MGAT4C: variants seen among roughly 807,000 people sequenced by gnomAD.
The protein encoded by MGAT4C is alpha-1,3-mannosyl-glycoprotein 4-beta-N-acetylglucosaminyltransferase C.
A neutral mutation model predicts 40.1 loss-of-function variants in MGAT4C; 19 were observed. The ratio of observed to expected loss-of-function variants is 0.47; its 90% CI spans 0.33 to 0.70. MGAT4C has a LOEUF of 0.70. Among genes scored for constraint, MGAT4C ranks in the 30% least tolerant of loss-of-function variants. The probability of loss-of-function intolerance (pLI) is 0.02; values close to 1 mark genes in which losing one functional copy is unlikely to be tolerated. For synonymous variants in MGAT4C, 181 were observed against 187.1 expected, an observed-to-expected ratio of 0.97 and a Z score of 0.27; for missense variants, 491 against 563.2, an observed-to-expected ratio of 0.87 and a Z score of 1.30.
intron 2 of MGAT4C, among the ~76,000 whole-genome samples, chr12:86,683,283 T>A (rs914473943): frequency 6.6e-6 from 1 of 152,198 alleles, no homozygotes; most frequent in African/African-American, 2.4e-5. Flanking sequence ...CATCTATCTA[T>A]CTACCTACCT....
intron 1 of MGAT4C, among the ~76,000 whole-genome samples, chr12:86,732,802 A>C (rs1294335400): frequency 6.8e-6 from 1 of 147,012 alleles, no homozygotes; most frequent in Admixed American, 6.9e-5. Flanking sequence ...CATATTCAGC[A>C]TTTATGTTTT....
intron 2 of MGAT4C, among the ~76,000 whole-genome samples, chr12:86,663,423 A>G (rs192432000): frequency 9.6e-4 from 146 of 151,996 alleles, no homozygotes; most frequent in African/African-American, 3.3e-3. Context: ...GAAAGAAAAG[A>G]AAGAAAGAAA....
At chr12:86,213,837 T>C (rs1950572819) in intron 1 of MGAT4C, among the ~76,000 whole-genome samples, 1 of 152,176 alleles carries the variant, frequency 6.6e-6, no homozygotes, top group South Asian at 2.1e-4. Context: ...GAAAGAAAAT[T>C]TCTAGAGCAA....
At chr12:86,577,648 G>C (rs993847002) in intron 2 of MGAT4C, among the ~76,000 whole-genome samples, 1 of 151,748 alleles carries the variant, frequency 6.6e-6, no homozygotes, top group Non-Finnish European at 1.5e-5. Flanking sequence ...ACTTGGTCAT[G>C]ATTAATGATC....
At chr12:86,683,813 A>C (rs1192466106) in intron 2 of MGAT4C, among the ~76,000 whole-genome samples, 1 of 152,146 alleles carries the variant, frequency 6.6e-6, no homozygotes, top group African/African-American at 2.4e-5. Context: ...ACAAGAACTC[A>C]GCACCAGTAA....
At chr12:86,048,824 G>A (rs1258001261) in intron 2 of MGAT4C, among the ~76,000 whole-genome samples, 1 of 151,926 alleles carries the variant, frequency 6.6e-6, no homozygotes, top group African/African-American at 2.4e-5. Context: ...ACCCAGACAG[G>A]TGTAACAACT....
intron 2 of MGAT4C, among the ~76,000 whole-genome samples, chr12:86,039,769 C>T (rs1466593294): frequency 1.3e-5 from 2 of 152,104 alleles, no homozygotes; most frequent in East Asian, 3.9e-4. Flanking sequence ...CCCTTGCTAG[C>T]AGGGAGTTGT....
chr12:86,381,328 A>G (rs1312364538), intron 3 of MGAT4C, among the ~76,000 whole-genome samples: 1 of 152,210 alleles, frequency 6.6e-6, no homozygotes, highest in Non-Finnish European at 1.5e-5. Context: ...ATTTATTGTG[A>G]AAGTTCCAAT....
chr12:86,479,986 A>T (rs1026187009), intron 2 of MGAT4C, among the ~76,000 whole-genome samples: 14 of 152,002 alleles, frequency 9.2e-5, no homozygotes, highest in African/African-American at 3.4e-4. Flanking sequence ...TTTAACCGTT[A>T]GTCAATTTTA....
At chr12:86,665,972 C>T (rs1362806764) in intron 2 of MGAT4C, among the ~76,000 whole-genome samples, 1 of 152,036 alleles carries the variant, frequency 6.6e-6, no homozygotes, top group Non-Finnish European at 1.5e-5. Context: ...TTTTAAGCCT[C>T]CATAATATTT....
At chr12:86,826,052 T>C (rs1035406865) in intron 1 of MGAT4C, among the ~76,000 whole-genome samples, 1 of 151,240 alleles carries the variant, frequency 6.6e-6, no homozygotes, top group African/African-American at 2.4e-5. Context: ...AGAAAGTGAG[T>C]GTATCCAGGA....
rs576281405 is a variant in MGAT4C at position 86,736,042 on chromosome 12, C to G, written c.-261-8801G>C. Among the ~76,000 whole-genome samples, 9 of 151,884 alleles carry G rather than the reference C, an allele frequency of 5.9e-5. No homozygotes were observed. In the South Asian group the frequency reaches 1.7e-3, roughly 28 times the overall value. ...TCTCTCTGTTGCTGTCATCAAAAGT[C>G]CCCTTCCTTTGTTCTTTGATAATCT... On this transcript the variant is annotated intron_variant, in intron 1 of 7. Coordinates refer to the MGAT4C transcript ENST00000548651.
chr12:86,423,917 G>A (rs1956877846), intron 3 of MGAT4C, among the ~76,000 whole-genome samples: 1 of 152,168 alleles, frequency 6.6e-6, no homozygotes, highest in Admixed American at 6.6e-5. Flanking sequence ...GAGCCTCAAA[G>A]GGGTAGGACA....
chr12:86,663,075 A>C (rs1003455560), intron 2 of MGAT4C, among the ~76,000 whole-genome samples: 4 of 152,140 alleles, frequency 2.6e-5, no homozygotes, highest in African/African-American at 9.7e-5. Flanking sequence ...TTCACATAAA[A>C]ATAAGGGCCA....
At chr12:86,695,733 T>C (rs1446236507) in intron 2 of MGAT4C, among the ~76,000 whole-genome samples, 1 of 151,776 alleles carries the variant, frequency 6.6e-6, no homozygotes, top group Non-Finnish European at 1.5e-5. Flanking sequence ...ACAATCGAAC[T>C]CATCGACACA....
intron 1 of MGAT4C, among the ~76,000 whole-genome samples, chr12:86,835,798 A>G (rs1352453210): frequency 6.6e-6 from 1 of 151,830 alleles, no homozygotes; most frequent in Non-Finnish European, 1.5e-5. Flanking sequence ...TATTTTTATT[A>G]CTGAAACTGC....
In MGAT4C at chr12:86,805,448, A is replaced by G. The variant is rs560168060; in HGVS notation, c.-262+33218T>C. On this transcript the variant is annotated intron_variant, in intron 1 of 7. Coordinates refer to the MGAT4C transcript ENST00000548651. Reference sequence around the variant, plus strand: ...AGTACCCAGTGTTTAGCTCCCATTTATGAGTGAAACATGTGGTATTTGGTT... The same window carrying G: ...AGTACCCAGTGTTTAGCTCCCATTTGTGAGTGAAACATGTGGTATTTGGTT... 3.0e-4 allele frequency among the ~76,000 whole-genome samples: 45 copies of G among 152,024 alleles called. No individual in the cohort carries two copies. In the South Asian group the frequency reaches 9.3e-3, roughly 32 times the overall value.
At chr12:86,387,155 T>C (rs1956066886) in intron 3 of MGAT4C, among the ~76,000 whole-genome samples, 1 of 152,174 alleles carries the variant, frequency 6.6e-6, no homozygotes, top group South Asian at 2.1e-4. Context: ...CATAGTTGTC[T>C]GAATTAATTC....
At chr12:86,423,796 C>T (rs1018180669) in intron 3 of MGAT4C, among the ~76,000 whole-genome samples, 4 of 152,140 alleles carry the variant, frequency 2.6e-5, no homozygotes, top group African/African-American at 9.7e-5. Flanking sequence ...TGATTCCTCA[C>T]ATTAGAATTG....
Sources: allele counts gnomAD v4.1 joint callset (sites outside exome capture counted in the v4.1 genomes callset), GRCh38; gene constraint gnomAD v4.1.1; transcripts MANE v1.5; gene names NCBI Gene and HGNC (gene_info 2026-07-23, HGNC 2026-07-21).